DLGAP2: variants seen among roughly 807,000 people sequenced by gnomAD.
DLGAP2 encodes the protein DLG associated protein 2.
A neutral mutation model predicts 100.3 loss-of-function variants in DLGAP2; 26 were observed. The observed-to-expected ratio is 0.26, with a 90% CI of 0.19 to 0.36. DLGAP2 has a LOEUF of 0.36. DLGAP2 is among the 10% of genes least tolerant of loss of function. The pLI is 1.00. For missense variants in DLGAP2, 1,858 were observed against 1,453.2 expected, an observed-to-expected ratio of 1.28 and a Z score of -4.53; for synonymous variants, 886 against 630.1, an observed-to-expected ratio of 1.41 and a Z score of -6.08.
chr8:1,421,109 A>G (rs1797076529), intron 3 of DLGAP2, among the ~76,000 whole-genome samples: 1 of 152,246 alleles, frequency 6.6e-6, no homozygotes, highest in Non-Finnish European at 1.5e-5. Flanking sequence ...AAATAGTAAA[A>G]TAACTTATCC....
At chr8:815,158 C>A (rs919398065) in intron 1 of DLGAP2, among the ~76,000 whole-genome samples, 4 of 152,178 alleles carry the variant, frequency 2.6e-5, no homozygotes, top group Admixed American at 2.6e-4. Flanking sequence ...TTATAAACAG[C>A]AGGAGTTTAT....
intron 3 of DLGAP2, among the ~76,000 whole-genome samples, chr8:1,273,659 A>G (rs1194331635): frequency 3.3e-5 from 5 of 152,216 alleles, no homozygotes; most frequent in Admixed American, 1.3e-4. Flanking sequence ...TACTGCAGGC[A>G]TATTTGGCCT....
intron 2 of DLGAP2, among the ~76,000 whole-genome samples, chr8:1,034,223 C>T (rs1802065918): frequency 4.4e-5 from 1 of 22,488 alleles, no homozygotes; most frequent in Non-Finnish European, 7.7e-5. Context: ...CGTGTCACCG[C>T]GAGTGGATTC....
At chr8:1,183,929 C>A (rs1423591473) in intron 2 of DLGAP2, among the ~76,000 whole-genome samples, 4 of 152,140 alleles carry the variant, frequency 2.6e-5, no homozygotes, top group Non-Finnish European at 1.5e-5. Context: ...AGCATTTAAT[C>A]ATTGCGTGAT....
intron 3 of DLGAP2, among the ~76,000 whole-genome samples, chr8:1,318,229 A>G (rs1800811604): frequency 6.6e-6 from 1 of 152,216 alleles, no homozygotes; most frequent in African/African-American, 2.4e-5. Context: ...CAACTCTTGA[A>G]GGGTCCTGTT....
intron 3 of DLGAP2, among the ~76,000 whole-genome samples, chr8:1,329,071 C>T (rs1006677824): frequency 2.0e-5 from 3 of 152,144 alleles, no homozygotes; most frequent in Non-Finnish European, 2.9e-5. Flanking sequence ...CTGCGACAGG[C>T]GACAGGTGAC....
intron 2 of DLGAP2, among the ~76,000 whole-genome samples, chr8:1,055,240 T>G (rs1373721311): frequency 6.6e-6 from 1 of 152,228 alleles, no homozygotes; most frequent in Non-Finnish European, 1.5e-5. Flanking sequence ...TGCTGGTGGT[T>G]TCGGCCTGAT....
chr8:1,233,975 A>G (rs73186542), intron 2 of DLGAP2, among the ~76,000 whole-genome samples: 16,732 of 152,252 alleles, frequency 0.11, 1,055 homozygotes, highest in South Asian at 0.17. Flanking sequence ...GGTGGTCAAT[A>G]GGCCTGCACT....
At chr8:1,293,750 G>T (rs541871593) in intron 3 of DLGAP2, among the ~76,000 whole-genome samples, 3 of 152,242 alleles carry the variant, frequency 2.0e-5, no homozygotes, top group African/African-American at 7.2e-5. Context: ...TAACATTTCG[G>T]AGCTGGGGCG....
At chr8:1,226,272 A>G (rs1027296592) in intron 2 of DLGAP2, among the ~76,000 whole-genome samples, 2 of 152,216 alleles carry the variant, frequency 1.3e-5, no homozygotes, top group Non-Finnish European at 1.5e-5. Context: ...GCGGTGCACC[A>G]TGGAATACTA....
intron 3 of DLGAP2, among the ~76,000 whole-genome samples, chr8:1,382,153 C>A (rs969617394): frequency 7.2e-5 from 11 of 152,188 alleles, no homozygotes; most frequent in African/African-American, 2.7e-4. Context: ...GTCACTGACA[C>A]ACATTGTGTT....
intron 6 of DLGAP2, among the ~76,000 whole-genome samples, chr8:1,606,076 C>A (rs1796786721): frequency 6.6e-6 from 1 of 152,180 alleles, no homozygotes. Context: ...GTTAACTCTG[C>A]TGCCCCAGAG....
intron 1 of DLGAP2, chr8:754,113 G>A (rs1468014087): frequency 6.6e-6 from 1 of 152,232 alleles, no homozygotes; most frequent in Non-Finnish European, 1.5e-5. Flanking sequence ...GTACAGCGTG[G>A]GAGGCCTCAG....
intron 2 of DLGAP2, among the ~76,000 whole-genome samples, chr8:931,711 C>G (rs1275991307): frequency 6.6e-6 from 1 of 152,156 alleles, no homozygotes; most frequent in Non-Finnish European, 1.5e-5. Context: ...GCTCCCAGCC[C>G]TTCTTACTGG....
At chr8:1,678,104 C>G in intron 11 of DLGAP2, 110 bp from the exon 12 acceptor site, 1 of 1,269,216 alleles carries the variant, frequency 7.9e-7, no homozygotes, top group Non-Finnish European at 1.1e-6. Flanking sequence ...TGCCCTTGAG[C>G]CGCCAGGCTG....
At chr8:1,225,999 T>G (rs1798406616) in intron 2 of DLGAP2, among the ~76,000 whole-genome samples, 1 of 145,224 alleles carries the variant, frequency 6.9e-6, no homozygotes, top group Non-Finnish European at 1.5e-5. Flanking sequence ...GGTGGTGATT[T>G]CATTTCTCAT....
At chr8:935,445 T>G (rs1799049322) in intron 2 of DLGAP2, among the ~76,000 whole-genome samples, 1 of 152,198 alleles carries the variant, frequency 6.6e-6, no homozygotes, top group Admixed American at 6.5e-5. Context: ...TTTTTTTATG[T>G]GGATTGCATG....
intron 3 of DLGAP2, among the ~76,000 whole-genome samples, chr8:1,337,441 A>ACTGATGATGTTGATGG: frequency 1.1e-3 from 1 of 924 alleles, no homozygotes; most frequent in Non-Finnish European, 1.8e-3. Context: ...GGTGATGATG[A>ACTGATGATGTTGATGG]TGATGGTGAT....
At chr8:853,870 A>AC (rs911749307) in intron 1 of DLGAP2, among the ~76,000 whole-genome samples, 8 of 151,966 alleles carry the variant, frequency 5.3e-5, no homozygotes, top group Non-Finnish European at 1.2e-4. Context: ...TCATACCCTA[A>AC]CCCCCAATGT....
Sources: gnomAD v4.1 joint callset for allele counts (sites outside exome capture counted in the v4.1 genomes callset) on GRCh38, gnomAD v4.1.1 for gene constraint, MANE v1.5 for transcripts, NCBI Gene and HGNC (gene_info 2026-07-23, HGNC 2026-07-21) for gene names.